Variants in MTBP observed in about 807,000 individuals in gnomAD.
The protein encoded by MTBP is MDM2 binding protein, also known as mdm2-binding protein.
A neutral mutation model predicts 117.0 loss-of-function variants in MTBP; 101 were observed. That is an observed-to-expected ratio of 0.86 (90% CI 0.73 to 1.02). The LOEUF (loss-of-function observed/expected upper bound fraction) is 1.02, where lower values mean the gene tolerates loss of function less well. Among genes scored for constraint, MTBP ranks in the 50% least tolerant of loss-of-function variants. MTBP has a pLI of 0.00. For synonymous variants in MTBP, 350 were observed against 351.5 expected (o/e 1.00, Z 0.05); for missense variants, 970 against 1,030.9 (o/e 0.94, Z 0.81).
chr8:120,472,072 T>C (rs912719151), intron 11 of MTBP: 8 of 152,212 alleles, frequency 5.3e-5, no homozygotes, highest in Non-Finnish European at 7.3e-5. Flanking sequence ...TTTTAGCTTA[T>C]AGTTTTTGTG....
chr8:120,500,547 C>A (rs1252207517), intron 14 of MTBP, among the ~76,000 whole-genome samples: 1 of 152,152 alleles, frequency 6.6e-6, no homozygotes, highest in Non-Finnish European at 1.5e-5. Flanking sequence ...GAACATTCAG[C>A]AGCATGTTAT....
intron 16 of MTBP, among the ~76,000 whole-genome samples, chr8:120,507,826 T>C (rs1394364382): frequency 1.3e-5 from 2 of 152,150 alleles, no homozygotes; most frequent in Non-Finnish European, 2.9e-5. Flanking sequence ...TTTGAAAGAT[T>C]GATAACCTTT....
intron 11 of MTBP, among the ~76,000 whole-genome samples, chr8:120,476,826 C>T (rs1466231334): frequency 6.6e-6 from 1 of 152,122 alleles, no homozygotes; most frequent in Non-Finnish European, 1.5e-5. Flanking sequence ...GGCCTTACTG[C>T]CCAAAGTAAT....
At chr8:120,511,963 G>A (rs956417351) in intron 17 of MTBP, among the ~76,000 whole-genome samples, 5 of 151,932 alleles carry the variant, frequency 3.3e-5, no homozygotes, top group Admixed American at 2.0e-4. Flanking sequence ...TGAGCTCTCC[G>A]CTATTTACTT....
intron 11 of MTBP, among the ~76,000 whole-genome samples, chr8:120,482,559 A>T (rs1465541766): frequency 2.0e-5 from 3 of 152,150 alleles, no homozygotes; most frequent in Non-Finnish European, 4.4e-5. Flanking sequence ...AGTAATTGAG[A>T]GGAAATGTAT....
intron 17 of MTBP, 48 bp from the exon 18 acceptor site, chr8:120,515,877 G>T (rs374147808): frequency 6.5e-7 from 1 of 1,539,922 alleles, no homozygotes; most frequent in Non-Finnish European, 8.9e-7. Context: ...GGGAAAGTCT[G>T]TTGCTCTCAT....
intron 1 of MTBP, among the ~76,000 whole-genome samples, chr8:120,445,816 A>G (rs1168125579): frequency 6.6e-6 from 1 of 152,142 alleles, no homozygotes; most frequent in Non-Finnish European, 1.5e-5. Context: ...TGGCATAGTA[A>G]ATGTTTAACT....
At chr8:120,502,402 C>G in intron 14 of MTBP, 90 bp from the exon 15 acceptor site, 2 of 794,472 alleles carry the variant, frequency 2.5e-6, no homozygotes, top group Non-Finnish European at 4.0e-6. Flanking sequence ...TACACACACA[C>G]GTATGTATGT....
At chr8:120,497,163 A>G (rs914954743) in intron 13 of MTBP, among the ~76,000 whole-genome samples, 2 of 152,226 alleles carry the variant, frequency 1.3e-5, no homozygotes, top group Non-Finnish European at 2.9e-5. Flanking sequence ...TTTATCTGTT[A>G]TCAACTTATA....
chr8:120,517,268 G>C (rs1198894073), intron 18 of MTBP, among the ~76,000 whole-genome samples: 1 of 151,872 alleles, frequency 6.6e-6, no homozygotes, highest in African/African-American at 2.4e-5. Context: ...AGTTCCATGG[G>C]TATAAAAAGA....
intron 18 of MTBP, 114 bp from the exon 19 acceptor site, chr8:120,517,737 G>T: frequency 9.6e-7 from 1 of 1,045,424 alleles, no homozygotes; most frequent in Non-Finnish European, 1.4e-6. Flanking sequence ...GACAGAAAAT[G>T]AACTTCGATG....
chr8:120,493,255 T>G (rs1392823342), intron 13 of MTBP, among the ~76,000 whole-genome samples: 1 of 152,194 alleles, frequency 6.6e-6, no homozygotes, highest in East Asian at 1.9e-4. Flanking sequence ...AATATTTATC[T>G]GCCACTTATA....
chr8:120,489,294 C>G (rs1404784152), intron 12 of MTBP, among the ~76,000 whole-genome samples: 1 of 152,098 alleles, frequency 6.6e-6, no homozygotes, highest in African/African-American at 2.4e-5. Context: ...GCCTCGGCCT[C>G]CCAAAGTGCT....
chr8:120,451,358 A>G lies in MTBP; in HGVS notation c.425+36A>G. On this transcript the variant is annotated intron_variant, in intron 4 of 21. Coordinates refer to ENST00000305949, the MANE Select transcript of MTBP (RefSeq NM_022045.5). ...ATGGTTTTTGTATTATCATTAAAATACTTAATATTAGACAGTTATTTTAAT... is the reference window on the plus strand; with the variant it reads ...ATGGTTTTTGTATTATCATTAAAATGCTTAATATTAGACAGTTATTTTAAT... 2.0e-6 allele frequency: 3 copies of G among 1,487,122 alleles called. No homozygotes were observed. In the South Asian group the frequency reaches 3.4e-5, roughly 17 times the overall value. 92.1% of individuals were successfully genotyped at this position (1,487,122 alleles called of 1,614,324 possible). A position where few individuals can be genotyped will look rare whatever the true frequency, so the allele number is the denominator to read the frequency against.
intron 2 of MTBP, among the ~76,000 whole-genome samples, chr8:120,450,485 A>G (rs1004014129): frequency 1.3e-5 from 2 of 152,166 alleles, no homozygotes; most frequent in African/African-American, 4.8e-5. Context: ...TCCTTGACAC[A>G]TACCCTGGGG....
At chr8:120,521,655 C>T (rs1306805659) in intron 20 of MTBP, among the ~76,000 whole-genome samples, 1 of 152,146 alleles carries the variant, frequency 6.6e-6, no homozygotes, top group Non-Finnish European at 1.5e-5. Flanking sequence ...CAGATAACTG[C>T]TTCTTATCTT....
rs745717341 is a variant in MTBP, at chr8:120,463,709, C to T, written c.995C>T (p.Thr332Ile). The T allele has an allele frequency of 6.2e-7, 1 of 1,611,112 alleles. No individual in the cohort carries two copies. Among genetic ancestry groups the T allele is most frequent in the South Asian group, 1.1e-5 (1 of 90,678 alleles). Residue 332 changes from threonine (T) to isoleucine (I), a missense_variant, in exon 10 of 22, where the codon ACC (threonine) becomes ATC (isoleucine). Physicochemically the swap from Thr to Ile is moderately conservative, Grantham distance 89 (BLOSUM62 -1). Transcript: ENST00000305949. ...TAGTACAGAGGATTGACAAACAGTACCAAACAGAATTCTGTGTTGCTGTTG... is the reference window on the plus strand; with the variant it reads ...TAGTACAGAGGATTGACAAACAGTATCAAACAGAATTCTGTGTTGCTGTTG... ...IEFELGLTNSTKQNSVLLLEQ... is the reference protein window; with the variant it reads ...IEFELGLTNSIKQNSVLLLEQ...
chr8:120,514,201 C>G (rs1814874078), intron 17 of MTBP, among the ~76,000 whole-genome samples: 1 of 151,800 alleles, frequency 6.6e-6, no homozygotes, highest in Non-Finnish European at 1.5e-5. Context: ...CACATAGTTA[C>G]CTCTTGTTTT....
chr8:120,474,117 A>G (rs1464328784), intron 11 of MTBP, among the ~76,000 whole-genome samples: 1 of 151,964 alleles, frequency 6.6e-6, no homozygotes, highest in Non-Finnish European at 1.5e-5. Context: ...TTGATTTTTT[A>G]AAATTATCTC....
Sources: allele counts gnomAD v4.1 joint callset (sites outside exome capture counted in the v4.1 genomes callset), GRCh38; gene constraint gnomAD v4.1.1; transcripts MANE v1.5; gene names NCBI Gene and HGNC (gene_info 2026-07-23, HGNC 2026-07-21).